The following GPHN variants were observed in gnomAD, a reference collection of about 807,000 sequenced individuals.
GPHN encodes gephyrin.
GPHN carries 17 observed loss-of-function variants against 95.5 expected under a neutral mutation model. The observed-to-expected ratio is 0.18, with a 90% confidence interval of 0.12 to 0.27. GPHN has a LOEUF of 0.27. Ranked by LOEUF, GPHN falls within the 10% of genes least tolerant of loss-of-function variation. The pLI is 1.00. For synonymous variants in GPHN, 320 were observed against 322.5 expected (o/e 0.99, Z 0.08); for missense variants, 660 against 978.1 (o/e 0.67, Z 4.34).
intron 9 of GPHN, among the ~76,000 whole-genome samples, chr14:67,002,005 G>A (rs965102593): frequency 6.6e-6 from 1 of 151,552 alleles, no homozygotes; most frequent in African/African-American, 2.4e-5. Context: ...ATTTTCCCTG[G>A]TCACCTTTTT....
At chr14:66,810,095 A>G (rs1412405081) in intron 3 of GPHN, among the ~76,000 whole-genome samples, 2 of 152,016 alleles carry the variant, frequency 1.3e-5, no homozygotes. Context: ...TAATATATTT[A>G]CACAGAAGTC....
intron 12 of GPHN, among the ~76,000 whole-genome samples, chr14:67,090,753 A>G (rs1437015482): frequency 6.6e-6 from 1 of 152,066 alleles, no homozygotes; most frequent in African/African-American, 2.4e-5. Context: ...GGCTACAGGC[A>G]TTGAGCAAAG....
At chr14:66,756,925 CAATT>C (rs1274774810) in intron 2 of GPHN, among the ~76,000 whole-genome samples, 3 of 152,174 alleles carry the variant, frequency 2.0e-5, no homozygotes, top group Non-Finnish European at 4.4e-5. Context: ...AAATCCCTGA[CAATT>C]AATGAAGTAG....
chr14:67,279,176 A>C, the GPHN span: 1 of 1,586,466 alleles, frequency 6.3e-7, no homozygotes, highest in Admixed American at 1.9e-5. Context: ...TAACCATGAC[A>C]ACATCCCATA....
Position 67,049,040 on chromosome 14 carries a change from G to A in GPHN, c.1007-9609G>A, listed in dbSNP as rs2075169216. 2.0e-5 allele frequency among the ~76,000 whole-genome samples: 3 copies of A among 152,162 alleles called. No homozygotes were observed. The South Asian group carries it at 6.2e-4, about 32-fold the overall frequency. On this transcript the variant is annotated intron_variant, in intron 10 of 22. Transcript: ENST00000478722. ...CTTCCTTTCCTGTTTCTGCCTAAAGGGGTTTTATGGGCTACCGGCTGCTAG... is the reference window on the plus strand; with the variant it reads ...CTTCCTTTCCTGTTTCTGCCTAAAGAGGTTTTATGGGCTACCGGCTGCTAG...
intron 1 of GPHN, among the ~76,000 whole-genome samples, chr14:66,592,404 T>G (rs61855689): frequency 2.1e-3 from 308 of 149,364 alleles, no homozygotes; most frequent in African/African-American, 7.5e-3. Context: ...AATCCATCCA[T>G]CTGACAAAGG....
intron 2 of GPHN, among the ~76,000 whole-genome samples, chr14:66,710,665 G>A (rs1429127454): frequency 6.6e-6 from 1 of 152,088 alleles, no homozygotes; most frequent in Non-Finnish European, 1.5e-5. Flanking sequence ...GGAAATAATC[G>A]AGATGAAAGA....
At chr14:67,300,681 T>C in the GPHN span, among the ~76,000 whole-genome samples, 1 of 152,044 alleles carries the variant, frequency 6.6e-6, no homozygotes, top group Non-Finnish European at 1.5e-5. Context: ...GTAGGTGCCA[T>C]TCTAAAGATA....
At chr14:67,643,851 GTAAAAAAAAAAAAAA>G in the GPHN span, among the ~76,000 whole-genome samples, 1 of 33,028 alleles carries the variant, frequency 3.0e-5, no homozygotes, top group Non-Finnish European at 5.0e-5. Context: ...CTCCTTGGGA[GTAAAAAAAAAAAAAA>G]AAAAAAAAAA....
At chr14:66,573,388 A>T (rs2140386188) in intron 1 of GPHN, among the ~76,000 whole-genome samples, 1 of 151,526 alleles carries the variant, frequency 6.6e-6, no homozygotes, top group Non-Finnish European at 1.5e-5. Context: ...TGTTGGGTGC[A>T]TATAAACTTA....
At chr14:66,694,070 T>C (rs1167404128) in intron 2 of GPHN, among the ~76,000 whole-genome samples, 1 of 152,154 alleles carries the variant, frequency 6.6e-6, no homozygotes, top group African/African-American at 2.4e-5. Context: ...GTGGTCTGAA[T>C]GTATATATCT....
At chr14:66,547,216 G>C (rs1008210308) in intron 1 of GPHN, among the ~76,000 whole-genome samples, 4 of 152,050 alleles carry the variant, frequency 2.6e-5, no homozygotes, top group Admixed American at 2.6e-4. Context: ...TTAGACTTCA[G>C]CTTTTAATGA....
At chr14:67,712,535 GA>G in the GPHN span, among the ~76,000 whole-genome samples, 7 of 126,026 alleles carry the variant, frequency 5.6e-5, no homozygotes, top group East Asian at 1.6e-3. Context: ...TTTTGGGTGA[GA>G]AAAAAACAAA....
intron 1 of GPHN, among the ~76,000 whole-genome samples, chr14:66,563,686 C>T (rs1594985081): frequency 6.6e-6 from 1 of 152,118 alleles, no homozygotes; most frequent in Non-Finnish European, 1.5e-5. Flanking sequence ...TTCAGTATCC[C>T]GTCTGATTTA....
rs1488263087 is a variant in GPHN at position 66,971,058 on chromosome 14, A to G, written c.963+5733A>G. Among the ~76,000 whole-genome samples the G allele has an allele frequency of 4.6e-5, 7 of 152,314 alleles. 1 individual carries two copies. In the East Asian group the frequency reaches 1.4e-3, roughly 29 times the overall value. ...TGTTGTACTAGGAATTCTGAGGGCCAGGCATGGTGGCTGTAATCCCATCAC... is the reference window on the plus strand; with the variant it reads ...TGTTGTACTAGGAATTCTGAGGGCCGGGCATGGTGGCTGTAATCCCATCAC... On this transcript the variant is annotated intron_variant, in intron 9 of 22. Transcript: ENST00000478722.
At chr14:66,893,573 G>A (rs1342350659) in intron 5 of GPHN, among the ~76,000 whole-genome samples, 1 of 152,174 alleles carries the variant, frequency 6.6e-6, no homozygotes, top group Non-Finnish European at 1.5e-5. Flanking sequence ...AAGTCAAATT[G>A]TCCCTGTTTG....
At chr14:67,348,418 G>T in the GPHN span, among the ~76,000 whole-genome samples, 1 of 151,726 alleles carries the variant, frequency 6.6e-6, no homozygotes, top group Admixed American at 6.6e-5. Flanking sequence ...TGTTGGCCAG[G>T]CTGGTCTCGA....
intron 18 of GPHN, among the ~76,000 whole-genome samples, chr14:67,152,713 T>A (rs1319470446): frequency 6.6e-6 from 1 of 152,192 alleles, no homozygotes; most frequent in Non-Finnish European, 1.5e-5. Context: ...ACACCTGTAA[T>A]CCCAGCACTT....
At chr14:67,587,043 C>G in the GPHN span, 1 of 1,552,310 alleles carries the variant, frequency 6.4e-7, no homozygotes, top group Non-Finnish European at 8.8e-7. Context: ...AAGGCTAGTT[C>G]AATTCCTTCA....
Sources: allele counts gnomAD v4.1 joint callset (sites outside exome capture counted in the v4.1 genomes callset), GRCh38; gene constraint gnomAD v4.1.1; transcripts MANE v1.5; gene names NCBI Gene and HGNC (gene_info 2026-07-23, HGNC 2026-07-21).